UGT1A6: variants seen among roughly 807,000 people sequenced by gnomAD.
UGT1A6 encodes UDP glucuronosyltransferase family 1 member A6, also known as UDP-glucuronosyltransferase 1A6.
Under a neutral mutation model 44.4 loss-of-function variants are expected in UGT1A6, and 32 were observed. That is an observed-to-expected ratio of 0.72 (90% confidence interval 0.54 to 0.97). The LOEUF is 0.97. Among genes scored for constraint, UGT1A6 ranks in the 50% least tolerant of loss-of-function variants. UGT1A6 has a pLI of 0.00. For synonymous variants in UGT1A6, 238 were observed against 248.5 expected (o/e 0.96, Z 0.40); for missense variants, 685 against 661.9 (o/e 1.03, Z -0.38).
At position 233,767,472 on chromosome 2, in the gene UGT1A6, A is replaced by G. The variant is rs1018124; in HGVS notation, c.993+307A>G. 0.091 allele frequency among the ~76,000 whole-genome samples: 13,872 copies of G among 152,248 alleles called. 828 individuals carry two copies. The highest frequency in any genetic ancestry group is 0.2 in the East Asian group (1,015 of 5,184). On this transcript the variant is annotated intron_variant, in intron 2 of 4. Coordinates refer to ENST00000305139, the MANE Select transcript of UGT1A6 (RefSeq NM_001072.4). ...AATAAATGGGATATTGTTTCTTCAT[A>G]TTAAATAGAAGTATTTCTCCAAAAA...
intron 4 of UGT1A6, chr2:233,770,766 A>G (rs1416026522): frequency 6.6e-6 from 1 of 152,230 alleles, no homozygotes; most frequent in Non-Finnish European, 1.5e-5. Context: ...TTACATTATA[A>G]TAATGTTTCC....
In UGT1A6 at chr2:233,769,485, G is replaced by A; in HGVS notation, c.1301+1046G>A. On this transcript the variant is annotated intron_variant, in intron 4 of 4. Coordinates refer to ENST00000305139, the MANE Select transcript of UGT1A6 (RefSeq NM_001072.4). This position sits in a 1 kb window ranked among gnomAD's most constrained non-coding sequence, Gnocchi z 4.4. ...TATGCGTGTGTGTGTGTGTGCGTGTGTTTATGAGAGTGTCCATTGCTTTCT... is the reference window on the plus strand; with the variant it reads ...TATGCGTGTGTGTGTGTGTGCGTGTATTTATGAGAGTGTCCATTGCTTTCT... 6.2e-7 allele frequency: 1 copy of A among 1,612,612 alleles called. No individual in the cohort carries two copies. Among genetic ancestry groups the A allele is most frequent in the Non-Finnish European group, 8.5e-7 (1 of 1,179,716 alleles).
At chr2:233,721,629 A>G (rs923769431) in intron 1 of UGT1A6, 1 of 200,638 alleles carries the variant, frequency 5.0e-6, no homozygotes, top group Non-Finnish European at 1.0e-5. Context: ...ATCAGTAAAG[A>G]TCATCTTGAA....
chr2:233,741,432 C>T (rs1352002109), intron 1 of UGT1A6: 1 of 151,408 alleles, frequency 6.6e-6, no homozygotes, highest in Non-Finnish European at 1.5e-5. Flanking sequence ...AGCAAACCTA[C>T]TCAGCAAACT....
intron 1 of UGT1A6, among the ~76,000 whole-genome samples, chr2:233,750,418 A>G (rs1270471550): frequency 3.3e-5 from 5 of 151,986 alleles, no homozygotes; most frequent in East Asian, 1.9e-4. Context: ...GTGGTAGAAA[A>G]GAAAAACCCA....
chr2:233,721,761 G>A, intron 1 of UGT1A6: 1 of 472,552 alleles, frequency 2.1e-6, no homozygotes. Flanking sequence ...CATCTAAATT[G>A]TTATATTTAG....
At chr2:233,749,646 T>C (rs1395564636) in intron 1 of UGT1A6, among the ~76,000 whole-genome samples, 1 of 151,888 alleles carries the variant, frequency 6.6e-6, no homozygotes, top group Non-Finnish European at 1.5e-5. Flanking sequence ...AAATCTCATC[T>C]TGAATTGTAA....
At chr2:233,748,424 C>G (rs1693941657) in intron 1 of UGT1A6, among the ~76,000 whole-genome samples, 1 of 151,772 alleles carries the variant, frequency 6.6e-6, no homozygotes, top group Non-Finnish European at 1.5e-5. Flanking sequence ...CTTGACCCAT[C>G]TGGATTTTTT....
intron 1 of UGT1A6, among the ~76,000 whole-genome samples, chr2:233,731,698 G>C (rs2078194443): frequency 6.6e-6 from 1 of 152,202 alleles, no homozygotes; most frequent in South Asian, 2.1e-4. Context: ...TGGACATTTG[G>C]ATTGGTTCCA....
At chr2:233,754,291 C>A in intron 1 of UGT1A6, 1 of 232,626 alleles carries the variant, frequency 4.3e-6, no homozygotes. Flanking sequence ...ACATTCTGTC[C>A]TAGCACTAGG....
chr2:233,760,276 A>C (rs1040602725), intron 1 of UGT1A6: 1 of 1,612,488 alleles, frequency 6.2e-7, no homozygotes, highest in Non-Finnish European at 8.5e-7. Flanking sequence ...CTCTGGCAGG[A>C]GCAAAGGCGC....
In UGT1A6 at chr2:233,772,770, T is replaced by C. The variant is rs10929303; in HGVS notation, c.*211T>C. 0.78 allele frequency: 1,055,817 copies of C among 1,348,090 alleles called. 415,213 individuals are homozygous for C. Among genetic ancestry groups the C allele is most frequent in the East Asian group, 0.89 (34,131 of 38,366 alleles). The allele number at this position is 1,348,090 out of a possible 1,614,324, so 83.5% of individuals were successfully genotyped here. ...ATTTGAATATGTATCGTGCCCCCTC[T>C]GGTGTCTTTGATCAGGATGACATGT... On this transcript the variant is annotated 3_prime_UTR_variant, in exon 5 of 5. Transcript: ENST00000305139.
intron 1 of UGT1A6, among the ~76,000 whole-genome samples, chr2:233,711,520 T>C (rs1354665738): frequency 6.6e-6 from 1 of 152,188 alleles, no homozygotes; most frequent in African/African-American, 2.4e-5. Flanking sequence ...CTCTGTGTCC[T>C]CACAACTCCC....
At chr2:233,698,309 G>A (rs187823497) in intron 1 of UGT1A6, among the ~76,000 whole-genome samples, 41 of 152,288 alleles carry the variant, frequency 2.7e-4, no homozygotes, top group Non-Finnish European at 8.8e-5. Context: ...TGGACAGATG[G>A]AAATGTCTGG....
At chr2:233,757,845 T>C (rs1338801014) in intron 1 of UGT1A6, among the ~76,000 whole-genome samples, 1 of 151,974 alleles carries the variant, frequency 6.6e-6, no homozygotes, top group Non-Finnish European at 1.5e-5. Context: ...TACTAACTTA[T>C]GTCTTCAGCT....
At chr2:233,766,358 C>G (rs1222221070) in intron 1 of UGT1A6, among the ~76,000 whole-genome samples, 1 of 152,148 alleles carries the variant, frequency 6.6e-6, no homozygotes, top group Non-Finnish European at 1.5e-5. Context: ...CTGCCGGTGC[C>G]TGTTGGTGAG....
Position 233,729,783 on chromosome 2 carries a change from C to T in UGT1A6, c.861+35918C>T, listed in dbSNP as rs761502728. On this transcript the variant is annotated intron_variant, in intron 1 of 4. Coordinates refer to ENST00000305139, the MANE Select transcript of UGT1A6 (RefSeq NM_001072.4). Reference sequence around the variant, plus strand: ...TCAAGAACATGCTCTACCCTCTGGCCCTGTCCTACATTTGCCATGCTTTTT... The same window carrying T: ...TCAAGAACATGCTCTACCCTCTGGCTCTGTCCTACATTTGCCATGCTTTTT... 6 of 1,613,820 alleles carry T rather than the reference C, an allele frequency of 3.7e-6. No homozygotes were observed. In the Admixed American group the frequency reaches 8.3e-5, roughly 22 times the overall value.
chr2:233,726,439 C>G (rs2077532269), intron 1 of UGT1A6, among the ~76,000 whole-genome samples: 1 of 152,184 alleles, frequency 6.6e-6, no homozygotes, highest in African/African-American at 2.4e-5. Context: ...TAATCTTATT[C>G]TTTCCACTGA....
intron 1 of UGT1A6, among the ~76,000 whole-genome samples, chr2:233,751,403 T>G (rs1694718342): frequency 6.6e-6 from 1 of 152,162 alleles, no homozygotes; most frequent in Admixed American, 6.5e-5. Flanking sequence ...GACTTTGGAC[T>G]ATGGACTTTT....
Sources: allele counts gnomAD v4.1 joint callset (sites outside exome capture counted in the v4.1 genomes callset), GRCh38; gene constraint gnomAD v4.1.1; non-coding constraint Gnocchi (gnomAD v3.1); transcripts MANE v1.5; gene names NCBI Gene and HGNC (gene_info 2026-07-23, HGNC 2026-07-21).